The following TMEM47 variants were observed in gnomAD, a reference collection of about 807,000 sequenced individuals.
TMEM47 encodes the protein brain cell membrane protein 1.
TMEM47 carries 3 observed loss-of-function variants against 12.4 expected under a neutral mutation model. The observed-to-expected ratio is 0.24, with a 90% CI of 0.11 to 0.63. The LOEUF is 0.63. TMEM47 is among the 20% of genes least tolerant of loss of function. The probability of loss-of-function intolerance (pLI) is 0.86; values close to 1 mark genes in which losing one functional copy is unlikely to be tolerated. For synonymous variants in TMEM47, 62 were observed against 63.3 expected, an observed-to-expected ratio of 0.98 and a Z score of 0.10; for missense variants, 89 against 143.8, an observed-to-expected ratio of 0.62 and a Z score of 1.95.
chrX:34,643,436 T>TAAC (rs778597079), intron 1 of TMEM47, among the ~76,000 whole-genome samples: 66 of 111,732 alleles, frequency 5.9e-4, no homozygotes, highest in African/African-American at 1.8e-3. Flanking sequence ...AAATACCTGC[T>TAAC]AACCTACACT....
intron 2 of TMEM47, among the ~76,000 whole-genome samples, chrX:34,632,892 A>G (rs779327595): frequency 4.5e-5 from 5 of 111,587 alleles, no homozygotes; most frequent in Non-Finnish European, 9.4e-5. Flanking sequence ...AAAACTAACA[A>G]GAAGTCAATT....
At chrX:34,633,701 A>C (rs1299785193) in intron 2 of TMEM47, among the ~76,000 whole-genome samples, 1 of 111,535 alleles carries the variant, frequency 9.0e-6, no homozygotes, top group Non-Finnish European at 1.9e-5. Context: ...GTGTTTACCT[A>C]CGCTGCTTTT....
chrX:34,655,352 A>G (rs1446114420), intron 1 of TMEM47, among the ~76,000 whole-genome samples: 1 of 111,461 alleles, frequency 9.0e-6, no homozygotes, highest in Admixed American at 9.5e-5. Flanking sequence ...TCCCCTGGTT[A>G]CCGAAGAAAG....
At chrX:34,638,638 C>T (rs1921760692) in intron 2 of TMEM47, among the ~76,000 whole-genome samples, 1 of 112,149 alleles carries the variant, frequency 8.9e-6, no homozygotes, top group African/African-American at 3.2e-5. Context: ...TTAAAGCTCA[C>T]ATCAAATCAT....
chrX:34,637,296 TAATAAGCCCGCCCTA>T (rs1195311642), intron 2 of TMEM47, among the ~76,000 whole-genome samples: 1 of 109,479 alleles, frequency 9.1e-6, no homozygotes, highest in Non-Finnish European at 1.9e-5. Flanking sequence ...TTCAAGAAGG[TAATAAGCCCGCCCTA>T]AATAAAAGAC....
chrX:34,632,767 C>T (rs1206551627), intron 2 of TMEM47, among the ~76,000 whole-genome samples: 2 of 111,505 alleles, frequency 1.8e-5, no homozygotes, highest in Non-Finnish European at 3.8e-5. Flanking sequence ...TTGTATGACC[C>T]ACACTTCATC....
intron 1 of TMEM47, among the ~76,000 whole-genome samples, chrX:34,646,869 C>T (rs983595982): frequency 3.6e-5 from 4 of 111,350 alleles, no homozygotes; most frequent in African/African-American, 1.3e-4. Context: ...CTTAATGCCC[C>T]GCTGCAGAAG....
chrX:34,635,925 A>G lies in TMEM47; in HGVS notation c.367+3322T>C, dbSNP rs973274202. On this transcript the variant is annotated intron_variant, in intron 2 of 2. Transcript: ENST00000275954. ...TAAATATAAAATTGACATAAAAGAA[A>G]CAATGATTTGGAGAATAAAAAGCAT... Among the ~76,000 whole-genome samples the G allele has an allele frequency of 8.0e-5, 9 of 111,819 alleles. No individual in the cohort carries two copies. In the East Asian group the frequency reaches 2.5e-3, roughly 31 times the overall value.
chrX:34,636,877 G>A (rs1569163007), intron 2 of TMEM47, among the ~76,000 whole-genome samples: 1 of 111,425 alleles, frequency 9.0e-6, no homozygotes, highest in East Asian at 2.8e-4. Context: ...ATTCTGCACT[G>A]ATTTTTCCAA....
At chrX:34,651,484 C>T (rs1922017385) in intron 1 of TMEM47, among the ~76,000 whole-genome samples, 1 of 112,110 alleles carries the variant, frequency 8.9e-6, no homozygotes, top group South Asian at 3.7e-4. Flanking sequence ...AAGTTATCTT[C>T]CACAAGGGCT....
intron 1 of TMEM47, among the ~76,000 whole-genome samples, chrX:34,646,705 C>T (rs998235240): frequency 9.0e-6 from 1 of 111,168 alleles, no homozygotes; most frequent in Non-Finnish European, 1.9e-5. Flanking sequence ...TTCCTCTAAG[C>T]AACTAAAGTT....
chrX:34,654,800 G>A (rs1021947224), intron 1 of TMEM47, among the ~76,000 whole-genome samples: 7 of 111,868 alleles, frequency 6.3e-5, no homozygotes, highest in African/African-American at 2.3e-4. Flanking sequence ...TATCTGGGCT[G>A]AAAACTATTT....
chrX:34,654,606 TG>T (rs1226904749), intron 1 of TMEM47, among the ~76,000 whole-genome samples: 3 of 111,684 alleles, frequency 2.7e-5, no homozygotes, highest in Non-Finnish European at 5.6e-5. Context: ...TTTTGTAAAG[TG>T]GGGACACAGA....
chrX:34,656,306 C>T (rs1192116621), intron 1 of TMEM47, among the ~76,000 whole-genome samples: 4 of 110,777 alleles, frequency 3.6e-5, no homozygotes, highest in Non-Finnish European at 7.5e-5. Context: ...GGTGAAAACG[C>T]AGATAAGGTG....
chrX:34,650,361 T>C (rs762238227), intron 1 of TMEM47, among the ~76,000 whole-genome samples: 1 of 111,886 alleles, frequency 8.9e-6, no homozygotes, highest in Non-Finnish European at 1.9e-5. Context: ...CCTCCAAAAA[T>C]ACTATGGCAA....
intron 1 of TMEM47, among the ~76,000 whole-genome samples, chrX:34,650,293 T>C (rs897665595): frequency 2.7e-5 from 3 of 111,856 alleles, no homozygotes; most frequent in East Asian, 2.8e-4. Flanking sequence ...CATTCAACAA[T>C]ACTTCAAACA....
At position 34,657,199 on chromosome X, in the gene TMEM47, A is replaced by AGGCG; in HGVS notation, c.-174_-171dup. 1.3e-6 allele frequency: 1 copy of AGGCG among 776,828 alleles called. No individual in the cohort carries two copies. The highest frequency in any genetic ancestry group is 1.6e-6 in the Non-Finnish European group (1 of 611,367). The allele number at this position is 776,828 out of a possible 1,213,427, so 64.0% of individuals were successfully genotyped here. On this transcript the variant is annotated 5_prime_UTR_variant, in exon 1 of 3. Coordinates refer to ENST00000275954, the MANE Select transcript of TMEM47 (RefSeq NM_031442.4). ...CCGCGCGGCCAAGGTGGGTCTGCGG[A>AGGCG]GGCGGCCGGCCGGGTGTGGGTCGTC...
chrX:34,630,261 G>A lies in TMEM47; in HGVS notation c.*52C>T, dbSNP rs142819183. 598 of 1,079,487 alleles carry A rather than the reference G, an allele frequency of 5.5e-4. 4 individuals are homozygous for A. The African/African-American group carries it at 9.0e-3, about 16-fold the overall frequency. 89.0% of individuals were successfully genotyped at this position (1,079,487 alleles called of 1,213,427 possible). On this transcript the variant is annotated 3_prime_UTR_variant, in exon 3 of 3. Transcript: ENST00000275954. ...ATAGTAAGTTAGAAAAGATGCAGAC[G>A]TAATCCTTTTGTTGGATGGTGGTGG...
At chrX:34,630,717 AT>A (rs1436455654) in intron 2 of TMEM47, among the ~76,000 whole-genome samples, 3 of 110,640 alleles carry the variant, frequency 2.7e-5, no homozygotes, top group African/African-American at 9.8e-5. Context: ...TTAGTAAATC[AT>A]TATTAGTATA....
Sources: gnomAD v4.1 joint callset for allele counts (sites outside exome capture counted in the v4.1 genomes callset) on GRCh38, gnomAD v4.1.1 for gene constraint, MANE v1.5 for transcripts, NCBI Gene and HGNC (gene_info 2026-07-23, HGNC 2026-07-21) for gene names.